The following JCHAIN variants were observed in gnomAD, a reference collection of about 807,000 sequenced individuals.
JCHAIN encodes immunoglobulin J chain.
A neutral mutation model predicts 11.1 loss-of-function variants in JCHAIN; 5 were observed. The ratio of observed to expected loss-of-function variants is 0.45; its 90% CI spans 0.24 to 0.95. The LOEUF (loss-of-function observed/expected upper bound fraction) is 0.95, where lower values mean the gene tolerates loss of function less well. Ranked by LOEUF, JCHAIN falls within the 40% of genes least tolerant of loss-of-function variation. The probability of loss-of-function intolerance (pLI) is 0.21; values close to 1 mark genes in which losing one functional copy is unlikely to be tolerated. For missense variants in JCHAIN, 165 were observed against 192.7 expected (o/e 0.86, Z 0.85); for synonymous variants, 51 against 67.8 (o/e 0.75, Z 1.22).
intron 1 of JCHAIN, chr4:70,663,382 G>T (rs538142804): frequency 4.6e-5 from 7 of 151,854 alleles, no homozygotes; most frequent in Non-Finnish European, 1.0e-4. Flanking sequence ...TTTTAGCAGA[G>T]ATGGAGTTTC....
chr4:70,658,949 GT>G (rs1223065299), intron 2 of JCHAIN, among the ~76,000 whole-genome samples: 2 of 152,094 alleles, frequency 1.3e-5, no homozygotes, highest in African/African-American at 4.8e-5. Flanking sequence ...TAAATAAACT[GT>G]TTTATCCCCA....
At position 70,657,382 on chromosome 4, in the gene JCHAIN, A is replaced by G. The variant is rs185610293; in HGVS notation, c.189-91T>C. The G allele has an allele frequency of 3.6e-5, 27 of 745,860 alleles. No homozygotes were observed. In the African/African-American group the frequency reaches 4.3e-4, roughly 12 times the overall value. The allele number at this position is 745,860 out of a possible 1,614,324, so 46.2% of individuals were successfully genotyped here. A position where few individuals can be genotyped will look rare whatever the true frequency, so the allele number is the denominator to read the frequency against. On this transcript the variant is annotated intron_variant, in intron 2 of 3. Coordinates refer to ENST00000254801, the MANE Select transcript of JCHAIN (RefSeq NM_144646.4). ...AGTATACGGCCACTATTTCATCAGA[A>G]CAGTACTTATTGTATTTAGTACTCT...
chr4:70,666,136 T>C (rs1739148160), intron 1 of JCHAIN, among the ~76,000 whole-genome samples: 1 of 152,320 alleles, frequency 6.6e-6, no homozygotes, highest in South Asian at 2.1e-4. Context: ...GGAAGGATTA[T>C]AGATTTTTAA....
intron 2 of JCHAIN, among the ~76,000 whole-genome samples, chr4:70,659,736 C>T (rs1739020902): frequency 6.7e-6 from 1 of 150,244 alleles, no homozygotes; most frequent in East Asian, 2.0e-4. Flanking sequence ...CATGGTGGTG[C>T]GTGCCTGTAG....
intron 2 of JCHAIN, among the ~76,000 whole-genome samples, chr4:70,660,412 C>T (rs1229706213): frequency 1.4e-5 from 2 of 147,304 alleles, no homozygotes; most frequent in African/African-American, 5.1e-5. Context: ...GAAAGTCTCG[C>T]TCTTGTCCCC....
chr4:70,658,933 A>G lies in JCHAIN; in HGVS notation c.189-1642T>C, dbSNP rs1318914372. Among the ~76,000 whole-genome samples, 4 of 152,364 alleles carry G rather than the reference A, an allele frequency of 2.6e-5. No homozygotes were observed. In the East Asian group the frequency reaches 7.7e-4, roughly 29 times the overall value. ...TATAAATTCTTTTAAGAAATGGACT[A>G]TATTTTAAATAAACTGTTTTATCCC... On this transcript the variant is annotated intron_variant, in intron 2 of 3. Coordinates refer to ENST00000254801, the MANE Select transcript of JCHAIN (RefSeq NM_144646.4).
rs181366381 is a variant in JCHAIN, at chr4:70,662,229, C to T, written c.65-14G>A. ...CATCTTCTTGGGCTTGAAAGGTAAA[C>T]GTATTAAAAAGAAAGGAAAACAAAG... On this transcript the variant is annotated splice_polypyrimidine_tract_variant and intron_variant, in intron 1 of 3. Transcript: ENST00000254801. 4.1e-5 allele frequency: 66 copies of T among 1,606,834 alleles called. No homozygotes were observed. Among genetic ancestry groups the T allele is most frequent in the East Asian group, 2.0e-4 (9 of 44,770 alleles).
intron 1 of JCHAIN, among the ~76,000 whole-genome samples, chr4:70,662,600 T>G (rs1186483111): frequency 6.6e-6 from 1 of 152,160 alleles, no homozygotes; most frequent in African/African-American, 2.4e-5. Flanking sequence ...ATTATCTGCC[T>G]TTTCATAATA....
intron 1 of JCHAIN, among the ~76,000 whole-genome samples, chr4:70,664,833 A>T (rs1304517421): frequency 6.6e-6 from 1 of 152,252 alleles, no homozygotes; most frequent in Non-Finnish European, 1.5e-5. Context: ...ATTACGGCAT[A>T]TGATTACTTC....
chr4:70,657,186 T>C (rs1308978833), intron 3 of JCHAIN, 25 bp downstream of exon 3: 2 of 1,314,004 alleles, frequency 1.5e-6, no homozygotes, highest in Non-Finnish European at 2.2e-6. Context: ...ACATCTATAT[T>C]ACTATGGAAA....
At chr4:70,661,706 G>A (rs1293008521) in intron 2 of JCHAIN, among the ~76,000 whole-genome samples, 1 of 152,160 alleles carries the variant, frequency 6.6e-6, no homozygotes, top group African/African-American at 2.4e-5. Flanking sequence ...TTGAGCCTGG[G>A]AGTTCGAGGC....
rs950848798 is a variant in JCHAIN, at chr4:70,655,670, T to C, written c.*659A>G. The C allele has an allele frequency of 6.6e-6, 1 of 152,100 alleles. No homozygotes were observed. The highest frequency in any genetic ancestry group is 6.5e-5 in the Admixed American group (1 of 15,276). The allele number at this position is 152,100 out of a possible 1,614,324, so 9.4% of individuals were successfully genotyped here. Reference sequence around the variant, plus strand: ...GCAATTTCTTACACTAACCTGATTATGAAAAAAAGAAGTCTGTATCATCTG... The same window carrying C: ...GCAATTTCTTACACTAACCTGATTACGAAAAAAAGAAGTCTGTATCATCTG... On this transcript the variant is annotated 3_prime_UTR_variant, in exon 4 of 4. Transcript: ENST00000254801.
chr4:70,656,624 T>G (rs1316449864), intron 3 of JCHAIN, 85 bp from the exon 4 acceptor site: 4 of 955,406 alleles, frequency 4.2e-6, no homozygotes, highest in Non-Finnish European at 6.6e-6. Flanking sequence ...AATCAATTAG[T>G]TCTTGCAGCT....
chr4:70,657,860 G>A (rs907620091), intron 2 of JCHAIN, among the ~76,000 whole-genome samples: 11 of 152,170 alleles, frequency 7.2e-5, no homozygotes, highest in Admixed American at 5.9e-4. Flanking sequence ...GGAGAGGTTA[G>A]TGATCCACCC....
At chr4:70,658,816 A>G (rs1739002613) in intron 2 of JCHAIN, among the ~76,000 whole-genome samples, 1 of 152,042 alleles carries the variant, frequency 6.6e-6, no homozygotes, top group Non-Finnish European at 1.5e-5. Context: ...CCTCCTCAGT[A>G]CTCCTATAAC....
chr4:70,659,695 C>G (rs1041321378), intron 2 of JCHAIN, among the ~76,000 whole-genome samples: 2 of 149,042 alleles, frequency 1.3e-5, no homozygotes, highest in African/African-American at 5.0e-5. Flanking sequence ...AACCTCATCT[C>G]TACTAAAAAT....
chr4:70,660,599 G>A lies in JCHAIN; in HGVS notation c.188+1493C>T, dbSNP rs569243078. On this transcript the variant is annotated intron_variant, in intron 2 of 3. Coordinates refer to ENST00000254801, the MANE Select transcript of JCHAIN (RefSeq NM_144646.4). The stretch of plus-strand genomic sequence containing the variant: ...GGGTTTCACCATGTTGGCCAGGCTC[G>A]TCTCAAACTCCTAACCTCAGGTGAT... 6.6e-5 allele frequency among the ~76,000 whole-genome samples: 10 copies of A among 152,008 alleles called. 1 individual carries two copies. Among genetic ancestry groups the A allele is most frequent in the East Asian group, 1.9e-4 (1 of 5,180 alleles).
chr4:70,658,970 C>G (rs573965792), intron 2 of JCHAIN, among the ~76,000 whole-genome samples: 45 of 152,214 alleles, frequency 3.0e-4, no homozygotes, highest in African/African-American at 1.1e-3. Context: ...ACCACCAACC[C>G]TTAATATTTG....
chr4:70,666,376 C>T (rs763752131), intron 1 of JCHAIN, 51 bp downstream of exon 1: 11 of 1,290,816 alleles, frequency 8.5e-6, no homozygotes, highest in Non-Finnish European at 1.2e-5. Flanking sequence ...AAAAACAGAT[C>T]TGTCCTATAT....
Sources: gnomAD v4.1 joint callset for allele counts (sites outside exome capture counted in the v4.1 genomes callset) on GRCh38, gnomAD v4.1.1 for gene constraint, MANE v1.5 for transcripts, NCBI Gene and HGNC (gene_info 2026-07-23, HGNC 2026-07-21) for gene names.